The following XRCC1 variants were observed in gnomAD, a reference collection of about 807,000 sequenced individuals.
XRCC1 encodes DNA repair protein XRCC1.
Under a neutral mutation model 83.3 loss-of-function variants are expected in XRCC1, and 52 were observed. That is an observed-to-expected ratio of 0.62 (90% CI 0.50 to 0.79). The LOEUF is 0.79. Among genes scored for constraint, XRCC1 ranks in the 30% least tolerant of loss-of-function variants. The pLI, the probability that XRCC1 is intolerant of heterozygous loss-of-function variation, is 0.00. For missense variants in XRCC1, 793 were observed against 823.5 expected (o/e 0.96, Z 0.45); for synonymous variants, 281 against 312.6 (o/e 0.90, Z 1.07).
In XRCC1 at chr19:43,546,934, C is replaced by A. The variant is rs748521314; in HGVS notation, c.1243G>T (p.Ala415Ser). The change falls in exon 11 of 17, where the codon GCC becomes TCC. Residue 415 changes from alanine (A) to serine (S), a missense_variant. Ala to Ser is a moderately conservative substitution (Grantham distance 99). Transcript: ENST00000262887. ...GPGSSSEEDE[A>S]SHSGGSGDEA... Reference sequence around the variant, plus strand: ...TCTCCGCTGCCACCGCTGTGAGAGGCCTCATCCTCCTCACTGCTGGAACCT... The same window carrying A: ...TCTCCGCTGCCACCGCTGTGAGAGGACTCATCCTCCTCACTGCTGGAACCT... 2 of 1,614,070 alleles carry A rather than the reference C, an allele frequency of 1.2e-6. No homozygotes were observed. Among genetic ancestry groups the A allele is most frequent in the Non-Finnish European group, 1.7e-6 (2 of 1,180,014 alleles).
rs1328842631 is a variant in XRCC1, at chr19:43,552,238, G to C, written c.861C>G (p.Val287=). 2 of 1,612,232 alleles carry C rather than the reference G, an allele frequency of 1.2e-6. No individual in the cohort carries two copies. The highest frequency in any genetic ancestry group is 2.7e-5 in the African/African-American group (2 of 74,878). The stretch of plus-strand genomic sequence containing the variant: ...TCACTGCCCCCTGTGCTCGGGCAGG[G>C]ACTGGGGCTGTGGCTGGGGTACGAG... ...APTRTPATAP[V]PARAQGAVTG... The change falls in exon 9 of 17, where the codon GTC becomes GTG. Residue 287 remains valine (V), a synonymous_variant. Coordinates refer to ENST00000262887, the MANE Select transcript of XRCC1 (RefSeq NM_006297.3).
At chr19:43,574,620 A>G in intron 2 of XRCC1, 1 of 371,164 alleles carries the variant, frequency 2.7e-6, no homozygotes, top group Non-Finnish European at 5.1e-6. Flanking sequence ...CAGGAGGCAG[A>G]GTACGTGGCA....
At position 43,546,493 on chromosome 19, in the gene XRCC1, G is replaced by GC. The variant is rs1317262189; in HGVS notation, c.1426+101dup. The GC allele has an allele frequency of 5.3e-6, 7 of 1,323,126 alleles. No homozygotes were observed. In the South Asian group the frequency reaches 8.2e-5, roughly 16 times the overall value. The allele number at this position is 1,323,126 out of a possible 1,614,324, so 82.0% of individuals were successfully genotyped here. ...TCTTCCCTCAGACTCAGGAGTCCAG[G>GC]CCCCAGCCCCTCCTCCCTCAGACTC... is the stretch of plus-strand genomic sequence containing the variant. On this transcript the variant is annotated intron_variant, in intron 12 of 16. Coordinates refer to ENST00000262887, the MANE Select transcript of XRCC1 (RefSeq NM_006297.3).
At chr19:43,544,531 A>G (rs1377304581) in intron 14 of XRCC1, among the ~76,000 whole-genome samples, 1 of 151,224 alleles carries the variant, frequency 6.6e-6, no homozygotes, top group Non-Finnish European at 1.5e-5. Flanking sequence ...TTTTAAGACA[A>G]GGACTCACTC....
At chr19:43,555,703 G>C (rs138274010) in intron 3 of XRCC1, among the ~76,000 whole-genome samples, 7 of 152,162 alleles carry the variant, frequency 4.6e-5, no homozygotes, top group Admixed American at 1.3e-4. Flanking sequence ...ACTCCCTGCG[G>C]TTGCTTCTCC....
intron 10 of XRCC1, among the ~76,000 whole-genome samples, chr19:43,548,550 T>C (rs376444689): frequency 7.2e-5 from 11 of 152,134 alleles, no homozygotes; most frequent in African/African-American, 2.7e-4. Flanking sequence ...AAGATGTGCT[T>C]TGTTAAACAG....
rs779728247 is a variant in XRCC1 at position 43,552,764 on chromosome 19, C to A, written c.823+33G>T. 3 of 1,554,210 alleles carry A rather than the reference C, an allele frequency of 1.9e-6. No individual in the cohort carries two copies. In the Admixed American group the frequency reaches 5.7e-5, roughly 30 times the overall value. ...TTCCCCTAGGACACAGGAGCACAGG[C>A]CCCTGTGGAAACAAGGGATCTAGTT... On this transcript the variant is annotated intron_variant, in intron 8 of 16. Transcript: ENST00000262887.
chr19:43,547,548 T>C (rs1185318528), intron 10 of XRCC1, among the ~76,000 whole-genome samples: 6 of 151,412 alleles, frequency 4.0e-5, no homozygotes, highest in African/African-American at 9.7e-5. Flanking sequence ...TGGCGTGATC[T>C]TGGCTCACTG....
chr19:43,561,433 G>A (rs552606568), intron 2 of XRCC1, among the ~76,000 whole-genome samples: 57 of 152,318 alleles, frequency 3.7e-4, no homozygotes, highest in African/African-American at 1.4e-3. Flanking sequence ...CCTGAGGGCA[G>A]GGGCTTTGTC....
At chr19:43,560,301 CAGA>C (rs1440528509) in intron 3 of XRCC1, among the ~76,000 whole-genome samples, 1 of 150,434 alleles carries the variant, frequency 6.6e-6, no homozygotes, top group African/African-American at 2.4e-5. Flanking sequence ...GAGGCTGAGG[CAGA>C]AGAATAGCTT....
At chr19:43,544,473 T>G (rs1568510552) in intron 14 of XRCC1, among the ~76,000 whole-genome samples, 1 of 151,940 alleles carries the variant, frequency 6.6e-6, no homozygotes, top group Non-Finnish European at 1.5e-5. Context: ...GTGATTTGTT[T>G]CTGACCGACA....
chr19:43,560,538 T>C (rs1389574464), intron 3 of XRCC1, among the ~76,000 whole-genome samples: 13 of 152,132 alleles, frequency 8.5e-5, no homozygotes, highest in Admixed American at 8.5e-4. Context: ...GGAGGGCAGA[T>C]GGACTCTAGA....
chr19:43,553,276 A>G, intron 6 of XRCC1, 125 bp downstream of exon 6: 2 of 1,204,786 alleles, frequency 1.7e-6, no homozygotes, highest in South Asian at 2.7e-5. Context: ...GAGACCCAGG[A>G]GTCCAGGACT....
chr19:43,556,797 G>A (rs1208464825), intron 3 of XRCC1, among the ~76,000 whole-genome samples: 1 of 151,702 alleles, frequency 6.6e-6, no homozygotes, highest in Non-Finnish European at 1.5e-5. Flanking sequence ...AAGAGGCCAG[G>A]AGTTCAAGAC....
At position 43,554,644 on chromosome 19, in the gene XRCC1, A is replaced by T; in HGVS notation, c.414+2T>A. 6.2e-7 allele frequency: 1 copy of T among 1,609,196 alleles called. No homozygotes were observed. The highest frequency in any genetic ancestry group is 8.5e-7 in the Non-Finnish European group (1 of 1,177,076). On this transcript the variant is annotated splice_donor_variant, in intron 4 of 16. Coordinates refer to ENST00000262887, the MANE Select transcript of XRCC1 (RefSeq NM_006297.3). LOFTEE classifies it high-confidence loss of function. ...CTGCACCCTGGCTCCCACCCTAGGT[A>T]CCTTGCTGTAGGGCTGGCTGCAAAC...
chr19:43,568,098 C>T (rs1022498339), intron 2 of XRCC1, among the ~76,000 whole-genome samples: 4 of 151,654 alleles, frequency 2.6e-5, no homozygotes, highest in Non-Finnish European at 5.9e-5. Flanking sequence ...TGGTCTTGAA[C>T]ACCTGACCTC....
Position 43,546,852 on chromosome 19 carries a change from C to T in XRCC1, c.1293+32G>A, listed in dbSNP as rs72561464. 668 of 1,611,410 alleles carry T rather than the reference C, an allele frequency of 4.1e-4. 6 individuals carry two copies. The African/African-American group carries it at 7.3e-3, about 18-fold the overall frequency. Reference sequence around the variant, plus strand: ...GCGGACTCATGTCATCCTCCCACTACACCCTCCCCCACTGGACAGGGGGCA... The same window carrying T: ...GCGGACTCATGTCATCCTCCCACTATACCCTCCCCCACTGGACAGGGGGCA... On this transcript the variant is annotated intron_variant, in intron 11 of 16. Transcript: ENST00000262887.
chr19:43,547,012 C>A, intron 10 of XRCC1, 35 bp from the exon 11 acceptor site: 1 of 1,604,892 alleles, frequency 6.2e-7, no homozygotes. Flanking sequence ...CAAACAGGCC[C>A]AAGGGAAGTG....
intron 8 of XRCC1, 36 bp from the exon 9 acceptor site, chr19:43,552,311 C>G: frequency 6.7e-7 from 1 of 1,486,258 alleles, no homozygotes; most frequent in Non-Finnish European, 9.1e-7. Flanking sequence ...GTTAGCACCA[C>G]TGGGGGTCAA....
Sources: allele counts gnomAD v4.1 joint callset (sites outside exome capture counted in the v4.1 genomes callset), GRCh38; gene constraint gnomAD v4.1.1; transcripts MANE v1.5; gene names NCBI Gene and HGNC (gene_info 2026-07-23, HGNC 2026-07-21).